TLCD4: variants seen among roughly 807,000 people sequenced by gnomAD.
TLCD4 encodes TLC domain containing 4.
TLCD4 carries 7 observed loss-of-function variants against 24.2 expected under a neutral mutation model. The ratio of observed to expected loss-of-function variants is 0.29; its 90% CI spans 0.16 to 0.54. TLCD4 has a LOEUF of 0.54. TLCD4 is among the 20% of genes least tolerant of loss of function. The pLI is 0.95. For missense variants in TLCD4, 259 were observed against 313.9 expected (o/e 0.82, Z 1.32); for synonymous variants, 103 against 106.4 (o/e 0.97, Z 0.20).
chr1:95,095,115 T>A, the TLCD4 span, among the ~76,000 whole-genome samples: 1 of 152,232 alleles, frequency 6.6e-6, no homozygotes, highest in African/African-American at 2.4e-5. Flanking sequence ...GAACAGCACT[T>A]AGCACGGTGG....
chr1:95,189,260 C>G (rs1340372110), intron 6 of TLCD4, among the ~76,000 whole-genome samples: 2 of 152,108 alleles, frequency 1.3e-5, no homozygotes, highest in African/African-American at 4.8e-5. Flanking sequence ...TTGCCTTTGT[C>G]TTATAGTCTC....
intron 2 of TLCD4, among the ~76,000 whole-genome samples, chr1:95,147,106 C>T (rs1205464417): frequency 5.4e-5 from 8 of 147,686 alleles, no homozygotes; most frequent in Non-Finnish European, 1.2e-4. Context: ...CAGAGTGTCG[C>T]TCTGTTGCCC....
upstream of TLCD4, among the ~76,000 whole-genome samples, chr1:95,113,976 C>T (rs1315623813): frequency 6.6e-6 from 1 of 152,028 alleles, no homozygotes; most frequent in Non-Finnish European, 1.5e-5. Flanking sequence ...AAAGTCTCAC[C>T]CACCCAGAAA....
At chr1:95,121,263 CT>C (rs1438468433) in intron 1 of TLCD4, 1 of 152,170 alleles carries the variant, frequency 6.6e-6, no homozygotes, top group South Asian at 2.1e-4. Context: ...AACAAATTGG[CT>C]GATGAATTCA....
chr1:95,139,454 G>GTTTTTTTTTTTTTTTTTTTTTTTTT (rs1557681913), intron 1 of TLCD4, among the ~76,000 whole-genome samples: 1 of 57,478 alleles, frequency 1.7e-5, no homozygotes, highest in Non-Finnish European at 3.8e-5. Context: ...TTAAACCTTT[G>GTTTTTTTTTTTTTTTTTTTTTTTTT]ATTTTTTTTT....
At chr1:95,143,126 A>G (rs1412096727) in intron 1 of TLCD4, among the ~76,000 whole-genome samples, 3 of 152,172 alleles carry the variant, frequency 2.0e-5, no homozygotes, top group Non-Finnish European at 4.4e-5. Context: ...AAAGCAACCA[A>G]TCAGAGGTAC....
rs978194274 is a variant in TLCD4 at position 95,192,764 on chromosome 1, T to C, written c.*896T>C. 1.6e-5 allele frequency: 2 copies of C among 123,346 alleles called. No homozygotes were observed. Among genetic ancestry groups the C allele is most frequent in the Admixed American group, 9.2e-5 (1 of 10,874 alleles). 7.6% of individuals were successfully genotyped at this position (123,346 alleles called of 1,614,324 possible). A position where few individuals can be genotyped will look rare whatever the true frequency, so the allele number is the denominator to read the frequency against. On this transcript the variant is annotated 3_prime_UTR_variant, in exon 7 of 7. Transcript: ENST00000370203. ...TGGGAATATTTAATTAGTTTAGTCA[T>C]GGAGAATACTTCCCACATTTTAAGA...
chr1:95,196,014 A>G lies in TLCD4; in HGVS notation c.*4146A>G, dbSNP rs1347133157. 6.6e-6 allele frequency: 1 copy of G among 152,144 alleles called. No individual in the cohort carries two copies. Among genetic ancestry groups the G allele is most frequent in the Non-Finnish European group, 1.5e-5 (1 of 68,004 alleles). The allele number at this position is 152,144 out of a possible 1,614,324, so 9.4% of individuals were successfully genotyped here. A position where few individuals can be genotyped will look rare whatever the true frequency, so the allele number is the denominator to read the frequency against. On this transcript the variant is annotated 3_prime_UTR_variant, in exon 7 of 7. Coordinates refer to ENST00000370203, the MANE Select transcript of TLCD4 (RefSeq NM_152487.3). ...TAAAAGTTTACAAATAGGTTCTCTC[A>G]TTGAAAAAAAGCATTGTAGTAAAGT... is the stretch of plus-strand genomic sequence containing the variant.
intron 1 of TLCD4, among the ~76,000 whole-genome samples, chr1:95,133,403 TAGAA>T (rs760243805): frequency 2.0e-5 from 3 of 148,040 alleles, no homozygotes; most frequent in Admixed American, 6.7e-5. Context: ...AAAGAGCCAA[TAGAA>T]AGAGCCATTT....
chr1:95,177,278 T>C (rs1678466514), intron 6 of TLCD4, among the ~76,000 whole-genome samples: 1 of 152,150 alleles, frequency 6.6e-6, no homozygotes, highest in Non-Finnish European at 1.5e-5. Flanking sequence ...CTTTGAAAAA[T>C]TTACTTATCC....
chr1:95,102,047 G>C, the TLCD4 span, among the ~76,000 whole-genome samples: 1 of 152,162 alleles, frequency 6.6e-6, no homozygotes, highest in Non-Finnish European at 1.5e-5. Flanking sequence ...TTTGATTTGA[G>C]GTGAAAAGAA....
rs141460706 is a variant in TLCD4, at chr1:95,158,955, C to T, written c.399+7536C>T. 5.8e-3 allele frequency among the ~76,000 whole-genome samples: 887 copies of T among 152,226 alleles called. 10 individuals are homozygous for T. Among genetic ancestry groups the T allele is most frequent in the African/African-American group, 0.02 (848 of 41,512 alleles). ...CAAGTCTTTGCTATTGTGAATAGTG[C>T]CACAGTAAACATACGTGTGCGTGTG... On this transcript the variant is annotated intron_variant, in intron 5 of 6. Coordinates refer to ENST00000370203, the MANE Select transcript of TLCD4 (RefSeq NM_152487.3).
At chr1:95,152,999 T>C (rs1386487806) in intron 5 of TLCD4, among the ~76,000 whole-genome samples, 7 of 151,964 alleles carry the variant, frequency 4.6e-5, no homozygotes, top group Non-Finnish European at 7.4e-5. Context: ...AGAATATATT[T>C]GGAAAACATT....
At chr1:95,129,506 C>T (rs1316850095) in intron 1 of TLCD4, among the ~76,000 whole-genome samples, 3 of 152,144 alleles carry the variant, frequency 2.0e-5, no homozygotes, top group African/African-American at 7.2e-5. Flanking sequence ...CTTTGGGAGG[C>T]CAAGGCCAGT....
intron 1 of TLCD4, among the ~76,000 whole-genome samples, chr1:95,131,838 G>A (rs1026015791): frequency 6.6e-6 from 1 of 152,162 alleles, no homozygotes; most frequent in African/African-American, 2.4e-5. Context: ...AATTTGATTC[G>A]CAATGTATTG....
chr1:95,104,663 C>CAAAAAAAAAAAAAAAAGAAAAAAAAAA, the TLCD4 span, among the ~76,000 whole-genome samples: 1 of 40,620 alleles, frequency 2.5e-5, no homozygotes, highest in Non-Finnish European at 5.4e-5. Flanking sequence ...GACTCCGTCT[C>CAAAAAAAAAAAAAAAAGAAAAAAAAAA]AAAAAAAAAA....
At chr1:95,115,088 T>TTATATATATATATATATATACACATTA (rs71588543), upstream of TLCD4, among the ~76,000 whole-genome samples, 5 of 143,834 alleles carry the variant, frequency 3.5e-5, no homozygotes, top group Admixed American at 1.4e-4. Flanking sequence ...TATATACACA[T>TTATATATATATATATATATACACATTA]TATATATATA....
At chr1:95,111,323 A>AAAAAAG in the TLCD4 span, among the ~76,000 whole-genome samples, 4 of 128,282 alleles carry the variant, frequency 3.1e-5, no homozygotes, top group African/African-American at 1.1e-4. Flanking sequence ...CAAAACAAAA[A>AAAAAAG]AAAAGAAAAG....
chr1:95,185,994 T>G (rs1404836178), intron 6 of TLCD4, among the ~76,000 whole-genome samples: 1 of 152,196 alleles, frequency 6.6e-6, no homozygotes, highest in Non-Finnish European at 1.5e-5. Flanking sequence ...AGCAATTATA[T>G]GGGAACTATG....
Sources: allele counts gnomAD v4.1 joint callset (sites outside exome capture counted in the v4.1 genomes callset), GRCh38; gene constraint gnomAD v4.1.1; transcripts MANE v1.5; gene names NCBI Gene and HGNC (gene_info 2026-07-23, HGNC 2026-07-21).